The following NCKAP5 variants were observed in gnomAD, a reference collection of about 807,000 sequenced individuals.
NCKAP5 encodes the protein NCK associated protein 5, also known as nck-associated protein 5.
A neutral mutation model predicts 167.0 loss-of-function variants in NCKAP5; 92 were observed. The ratio of observed to expected loss-of-function variants is 0.55; its 90% CI spans 0.47 to 0.66. The LOEUF is 0.66. NCKAP5 is among the 30% of genes least tolerant of loss of function. The pLI is 0.00. For missense variants in NCKAP5, 2,378 were observed against 2,315.0 expected (o/e 1.03, Z -0.56); for synonymous variants, 891 against 877.4 (o/e 1.02, Z -0.27).
intron 3 of NCKAP5, among the ~76,000 whole-genome samples, chr2:133,462,925 G>A (rs951701088): frequency 5.3e-5 from 8 of 152,136 alleles, no homozygotes; most frequent in African/African-American, 1.9e-4. Context: ...CTCATTATTG[G>A]TTTCACCTGT....
At chr2:132,759,992 G>C (rs976656555) in intron 16 of NCKAP5, among the ~76,000 whole-genome samples, 17 of 148,726 alleles carry the variant, frequency 1.1e-4, no homozygotes, top group African/African-American at 4.2e-4. Flanking sequence ...CCTTAAATTT[G>C]TTAACCTAGA....
chr2:133,618,078 T>C, the NCKAP5 span, among the ~76,000 whole-genome samples: 6 of 149,924 alleles, frequency 4.0e-5, no homozygotes, highest in South Asian at 6.3e-4. Context: ...TAATAAATGG[T>C]GCTGGGAAAA....
chr2:133,520,131 C>T (rs1318619751), intron 2 of NCKAP5, among the ~76,000 whole-genome samples: 2 of 152,144 alleles, frequency 1.3e-5, no homozygotes, highest in Non-Finnish European at 1.5e-5. Context: ...GCGGAGGTTG[C>T]GGTGAGCCAA....
intron 8 of NCKAP5, among the ~76,000 whole-genome samples, chr2:132,888,978 T>C (rs555508764): frequency 6.6e-6 from 1 of 152,350 alleles, no homozygotes; most frequent in South Asian, 2.1e-4. Flanking sequence ...CTTCCAAGAC[T>C]ACACCATGAG....
At chr2:132,714,827 A>C (rs1689207454) in intron 19 of NCKAP5, 1 of 445,174 alleles carries the variant, frequency 2.2e-6, no homozygotes, top group African/African-American at 2.0e-5. Flanking sequence ...AAAAAAAAAA[A>C]AAATCAGTTA....
Position 133,365,966 on chromosome 2 carries a change from A to G in NCKAP5, c.70-62856T>C, listed in dbSNP as rs1175826605. Among the ~76,000 whole-genome samples the G allele has an allele frequency of 3.3e-5, 5 of 152,248 alleles. No individual in the cohort carries two copies. The East Asian group carries it at 9.6e-4, about 29-fold the overall frequency. On this transcript the variant is annotated intron_variant, in intron 3 of 19. Transcript: ENST00000409261. Reference sequence around the variant, plus strand: ...AGATGTTAGCCATCAATATTTCTATAGAAAATGCCTTATTCAACAATATGC... The same window carrying G: ...AGATGTTAGCCATCAATATTTCTATGGAAAATGCCTTATTCAACAATATGC...
chr2:132,871,491 C>A (rs746004402), intron 9 of NCKAP5, among the ~76,000 whole-genome samples: 1 of 152,006 alleles, frequency 6.6e-6, no homozygotes, highest in Non-Finnish European at 1.5e-5. Context: ...TTTCTTTCTC[C>A]CAATTGGTCT....
intron 16 of NCKAP5, among the ~76,000 whole-genome samples, chr2:132,737,818 G>A (rs1310077170): frequency 6.6e-6 from 1 of 152,196 alleles, no homozygotes; most frequent in Non-Finnish European, 1.5e-5. Context: ...TAGACTGTAA[G>A]CATCGTGCAG....
chr2:133,536,092 G>C (rs556434336), intron 2 of NCKAP5, among the ~76,000 whole-genome samples: 1 of 152,188 alleles, frequency 6.6e-6, no homozygotes, highest in East Asian at 1.9e-4. Flanking sequence ...TAGGTTGTCT[G>C]TTTATTCTAT....
Position 132,768,379 on chromosome 2 carries a change from C to T in NCKAP5, c.5128+5437G>A, listed in dbSNP as rs181889663. Among the ~76,000 whole-genome samples, 8 of 152,230 alleles carry T rather than the reference C, an allele frequency of 5.3e-5. No homozygotes were observed. In the East Asian group the frequency reaches 1.5e-3, roughly 29 times the overall value. On this transcript the variant is annotated intron_variant, in intron 16 of 19. Coordinates refer to ENST00000409261, the MANE Select transcript of NCKAP5 (RefSeq NM_207363.3). ...CAAGACAATGAATGGTATTTGAATT[C>T]CTACTAATTGTTAACTCTAGTAGAC...
intron 6 of NCKAP5, among the ~76,000 whole-genome samples, chr2:133,023,911 T>G (rs1446410416): frequency 6.6e-6 from 1 of 152,192 alleles, no homozygotes; most frequent in East Asian, 1.9e-4. Context: ...GAAAATCATC[T>G]TATTTATAAT....
intron 16 of NCKAP5, among the ~76,000 whole-genome samples, chr2:132,752,670 A>G (rs1680214406): frequency 6.6e-6 from 1 of 152,238 alleles, no homozygotes; most frequent in South Asian, 2.1e-4. Flanking sequence ...ATTATATGCC[A>G]TTGCGTAAGT....
chr2:132,722,554 T>C (rs1313180561), intron 19 of NCKAP5, among the ~76,000 whole-genome samples: 1 of 152,176 alleles, frequency 6.6e-6, no homozygotes, highest in Non-Finnish European at 1.5e-5. Flanking sequence ...CTCATCACAT[T>C]TGGACACACA....
intron 5 of NCKAP5, among the ~76,000 whole-genome samples, chr2:133,137,571 T>C (rs1261385074): frequency 6.6e-6 from 1 of 151,968 alleles, no homozygotes; most frequent in Non-Finnish European, 1.5e-5. Context: ...ATCTTAAAAA[T>C]GTCCTCAATG....
intron 2 of NCKAP5, among the ~76,000 whole-genome samples, chr2:133,521,638 C>T (rs963125975): frequency 5.9e-5 from 9 of 152,178 alleles, no homozygotes; most frequent in Admixed American, 4.6e-4. Flanking sequence ...CCTCACATGG[C>T]CTTTGCTTTG....
chr2:133,308,867 C>T lies in NCKAP5; in HGVS notation c.70-5757G>A, dbSNP rs1280485818. 2.6e-4 allele frequency among the ~76,000 whole-genome samples: 39 copies of T among 149,178 alleles called. 2 individuals are homozygous for T. The highest frequency in any genetic ancestry group is 8.4e-4 in the African/African-American group (34 of 40,646). On this transcript the variant is annotated intron_variant, in intron 3 of 19. Coordinates refer to ENST00000409261, the MANE Select transcript of NCKAP5 (RefSeq NM_207363.3). ...CTGGGATTACAGGCGCCCGCCACCG[C>T]GCCCGGCTAATTTTTTGTATTTTTA...
intron 3 of NCKAP5, among the ~76,000 whole-genome samples, chr2:133,362,150 G>A (rs925509586): frequency 1.3e-5 from 2 of 152,160 alleles, no homozygotes; most frequent in African/African-American, 4.8e-5. Context: ...GCTTGAAGCC[G>A]ATGATGTAAT....
intron 5 of NCKAP5, among the ~76,000 whole-genome samples, chr2:133,192,333 T>C (rs1354622240): frequency 2.0e-5 from 3 of 152,100 alleles, no homozygotes; most frequent in Non-Finnish European, 4.4e-5. Context: ...GAGAAAATTG[T>C]TGAGAACTAA....
At chr2:133,377,152 A>G (rs1686203994) in intron 3 of NCKAP5, among the ~76,000 whole-genome samples, 2 of 152,140 alleles carry the variant, frequency 1.3e-5, no homozygotes, top group Non-Finnish European at 2.9e-5. Flanking sequence ...TCTCTCATTC[A>G]TTTGTAGCCA....
Sources: allele counts gnomAD v4.1 joint callset (sites outside exome capture counted in the v4.1 genomes callset), GRCh38; gene constraint gnomAD v4.1.1; transcripts MANE v1.5; gene names NCBI Gene and HGNC (gene_info 2026-07-23, HGNC 2026-07-21).